RP1: variants seen among roughly 807,000 people sequenced by gnomAD.
The protein encoded by RP1 is oxygen-regulated protein 1.
In RP1, 16 loss-of-function variants were observed where a neutral mutation model predicts 14.8. That is an observed-to-expected ratio of 1.08 (90% CI 0.73 to 1.65). The LOEUF is 1.65. Among genes scored for constraint, RP1 ranks in the 40% most tolerant of loss-of-function variants. The pLI, the probability that RP1 is intolerant of heterozygous loss-of-function variation, is 0.00. For missense variants in RP1, 2,631 were observed against 2,535.0 expected (o/e 1.04, Z -0.81); for synonymous variants, 876 against 883.6 (o/e 0.99, Z 0.15).
At chr8:54,753,911 G>A (rs534293551) in intron 19 of RP1, among the ~76,000 whole-genome samples, 1 of 152,302 alleles carries the variant, frequency 6.6e-6, no homozygotes, top group East Asian at 1.9e-4. Flanking sequence ...CCTAAGGCCA[G>A]GAAGCAGAGG....
intron 24 of RP1, among the ~76,000 whole-genome samples, chr8:54,813,735 A>G (rs771231296): frequency 1.4e-4 from 22 of 152,228 alleles, no homozygotes; most frequent in Non-Finnish European, 2.6e-4. Flanking sequence ...GTGTCTACAC[A>G]GGGGGCGAGT....
intron 1 of RP1, among the ~76,000 whole-genome samples, chr8:54,569,686 T>G (rs556599910): frequency 1.3e-5 from 2 of 152,322 alleles, no homozygotes; most frequent in African/African-American, 4.8e-5. Context: ...ACAGATTCAC[T>G]GAGGGCCCAG....
rs143730431 is a variant in RP1 at position 54,703,361 on chromosome 8, G to A, written c.1998+1699G>A. Among the ~76,000 whole-genome samples, 614 of 152,260 alleles carry A rather than the reference G, an allele frequency of 4.0e-3. 11 individuals carry two copies. Among genetic ancestry groups the A allele is most frequent in the East Asian group, 0.026 (137 of 5,180 alleles). ...AATCTCCTTGTACGTGTCCATCAGAGCTCTTGGGTGACCAGGTACATTGTC... is the reference window on the plus strand; with the variant it reads ...AATCTCCTTGTACGTGTCCATCAGAACTCTTGGGTGACCAGGTACATTGTC... On this transcript the variant is annotated intron_variant, in intron 14 of 22. Transcript: ENST00000636932.
intron 3 of RP1, among the ~76,000 whole-genome samples, chr8:54,638,002 A>G (rs575951744): frequency 6.6e-6 from 1 of 152,228 alleles, no homozygotes; most frequent in East Asian, 1.9e-4. Context: ...GAACTGCTTC[A>G]ATCCAGGTCA....
intron 1 of RP1, among the ~76,000 whole-genome samples, chr8:54,601,001 GT>G (rs1202617028): frequency 6.6e-6 from 1 of 152,078 alleles, no homozygotes; most frequent in Non-Finnish European, 1.5e-5. Context: ...AATGTCCGGG[GT>G]TTTCGGTTGT....
chr8:54,622,678 AGAAT>A (rs1805914459), intron 3 of RP1, among the ~76,000 whole-genome samples: 1 of 152,260 alleles, frequency 6.6e-6, no homozygotes, highest in African/African-American at 2.4e-5. Flanking sequence ...GCAGGTTAGC[AGAAT>A]GACTGTATTT....
At chr8:54,720,331 AT>A in intron 16 of RP1, 3 of 1,524,974 alleles carry the variant, frequency 2.0e-6, no homozygotes, top group Non-Finnish European at 2.6e-6. Flanking sequence ...AAATGCTTTG[AT>A]TTTTGGTTTG....
intron 1 of RP1, among the ~76,000 whole-genome samples, chr8:54,609,528 A>G (rs1190872557): frequency 6.6e-6 from 1 of 152,084 alleles, no homozygotes; most frequent in Non-Finnish European, 1.5e-5. Flanking sequence ...AAAACAGAAT[A>G]CACTTATGGT....
At chr8:54,823,100 G>A (rs1024115947) in intron 24 of RP1, among the ~76,000 whole-genome samples, 3 of 151,996 alleles carry the variant, frequency 2.0e-5, no homozygotes, top group Non-Finnish European at 1.5e-5. Flanking sequence ...TATAGCACTC[G>A]TGTGACTCCC....
Position 54,666,260 on chromosome 8 carries a change from G to A in RP1, c.1323+2410G>A, listed in dbSNP as rs542645118. On this transcript the variant is annotated intron_variant, in intron 7 of 22. Transcript: ENST00000636932. ...CTGGCTAAGTAGAAGCTCAACTCTGGGGCAACATCTAAGAAAGTGCAAGTC... is the reference window on the plus strand; with the variant it reads ...CTGGCTAAGTAGAAGCTCAACTCTGAGGCAACATCTAAGAAAGTGCAAGTC... Among the ~76,000 whole-genome samples, 9 of 152,168 alleles carry A rather than the reference G, an allele frequency of 5.9e-5. No individual in the cohort carries two copies. The South Asian group carries it at 1.0e-3, about 18-fold the overall frequency.
chr8:54,781,767 A>G (rs1810195581), intron 23 of RP1, among the ~76,000 whole-genome samples: 1 of 152,198 alleles, frequency 6.6e-6, no homozygotes, highest in Non-Finnish European at 1.5e-5. Flanking sequence ...AAAAAGAAAA[A>G]TATGCTTAGG....
chr8:54,667,095 G>A (rs1022136046), intron 7 of RP1, among the ~76,000 whole-genome samples: 3 of 152,062 alleles, frequency 2.0e-5, no homozygotes, highest in African/African-American at 7.2e-5. Flanking sequence ...TAGAGAAGGT[G>A]CAGACATGCC....
chr8:54,687,717 G>A (rs192138464), intron 12 of RP1, among the ~76,000 whole-genome samples: 152 of 152,174 alleles, frequency 1.0e-3, no homozygotes, highest in Non-Finnish European at 1.8e-3. Context: ...TCATTGATGG[G>A]CATTTGTGTC....
At chr8:54,770,085 G>T, downstream of RP1, 1 of 424,370 alleles carries the variant, frequency 2.4e-6, no homozygotes, top group South Asian at 8.5e-5. Context: ...TCATCAGACA[G>T]ATCTGTTATT....
chr8:54,677,836 C>T (rs1162048313), intron 8 of RP1, among the ~76,000 whole-genome samples: 1 of 152,124 alleles, frequency 6.6e-6, no homozygotes, highest in Non-Finnish European at 1.5e-5. Flanking sequence ...ATATTTTGAG[C>T]TGGACCTTTG....
chr8:54,716,901 G>A (rs1326532969), intron 15 of RP1, among the ~76,000 whole-genome samples: 1 of 152,168 alleles, frequency 6.6e-6, no homozygotes, highest in Non-Finnish European at 1.5e-5. Context: ...CCCCTCAGCT[G>A]TTGAGATTCT....
At chr8:54,663,384 G>A (rs1479822681) in intron 6 of RP1, among the ~76,000 whole-genome samples, 3 of 152,130 alleles carry the variant, frequency 2.0e-5, no homozygotes, top group Non-Finnish European at 1.5e-5. Context: ...AAAAAAGTAT[G>A]TCAAATTTGC....
intron 19 of RP1, among the ~76,000 whole-genome samples, chr8:54,742,732 A>G (rs1809127447): frequency 6.6e-6 from 1 of 152,232 alleles, no homozygotes. Flanking sequence ...CCTGTGAATT[A>G]CTGGGAAAGG....
chr8:54,678,934 A>T (rs1807360677), intron 9 of RP1, among the ~76,000 whole-genome samples: 1 of 152,158 alleles, frequency 6.6e-6, no homozygotes. Context: ...CTTACTATCA[A>T]CAGACCTTGA....
Sources: gnomAD v4.1 joint callset for allele counts (sites outside exome capture counted in the v4.1 genomes callset) on GRCh38, gnomAD v4.1.1 for gene constraint, MANE v1.5 for transcripts, NCBI Gene and HGNC (gene_info 2026-07-23, HGNC 2026-07-21) for gene names.